The following SYT6 variants were observed in gnomAD, a reference collection of about 807,000 sequenced individuals.
SYT6 encodes the protein synaptotagmin-6.
Under a neutral mutation model 38.4 loss-of-function variants are expected in SYT6, and 24 were observed. The observed-to-expected ratio is 0.62, with a 90% CI of 0.45 to 0.88. The LOEUF is 0.88. Among genes scored for constraint, SYT6 ranks in the 40% least tolerant of loss-of-function variants. The pLI is 0.00. For synonymous variants in SYT6, 265 were observed against 241.9 expected, an observed-to-expected ratio of 1.10 and a Z score of -0.89; for missense variants, 611 against 621.0, an observed-to-expected ratio of 0.98 and a Z score of 0.17.
chr1:114,133,189 G>A (rs1450055277), intron 3 of SYT6, among the ~76,000 whole-genome samples: 1 of 151,422 alleles, frequency 6.6e-6, no homozygotes, highest in Non-Finnish European at 1.5e-5. Flanking sequence ...CAACACACAT[G>A]CACACACACA....
At chr1:114,109,748 T>C (rs1286157348) in intron 3 of SYT6, among the ~76,000 whole-genome samples, 1 of 152,086 alleles carries the variant, frequency 6.6e-6, no homozygotes, top group Non-Finnish European at 1.5e-5. Flanking sequence ...GGTGCAGTAA[T>C]AGAGGTGTGG....
At chr1:114,115,227 T>G (rs1177755730) in intron 3 of SYT6, among the ~76,000 whole-genome samples, 1 of 152,190 alleles carries the variant, frequency 6.6e-6, no homozygotes, top group Non-Finnish European at 1.5e-5. Flanking sequence ...CAGGGAAGTC[T>G]CAGGAACTGA....
intron 3 of SYT6, among the ~76,000 whole-genome samples, chr1:114,121,025 C>G (rs1208435642): frequency 6.6e-6 from 1 of 152,226 alleles, no homozygotes; most frequent in Non-Finnish European, 1.5e-5. Context: ...CACTGGGCAG[C>G]TAACTGGCCA....
intron 4 of SYT6, among the ~76,000 whole-genome samples, chr1:114,103,300 A>G (rs1271444052): frequency 5.9e-5 from 9 of 152,084 alleles, no homozygotes; most frequent in African/African-American, 1.9e-4. Flanking sequence ...TGACAGCAAC[A>G]GATGATATCT....
At chr1:114,124,547 T>A (rs534662457) in intron 3 of SYT6, among the ~76,000 whole-genome samples, 3 of 152,182 alleles carry the variant, frequency 2.0e-5, no homozygotes, top group Non-Finnish European at 4.4e-5. Flanking sequence ...AAGTGGCACT[T>A]TCCATCACAA....
intron 3 of SYT6, among the ~76,000 whole-genome samples, chr1:114,106,300 CT>C (rs1325458830): frequency 6.6e-6 from 1 of 152,110 alleles, no homozygotes; most frequent in Non-Finnish European, 1.5e-5. Flanking sequence ...CTGCTAAGTA[CT>C]TTGCTAGATT....
At chr1:114,094,220 T>A (rs988914719) in intron 6 of SYT6, among the ~76,000 whole-genome samples, 10 of 152,188 alleles carry the variant, frequency 6.6e-5, no homozygotes, top group African/African-American at 2.4e-4. Context: ...AGATGGGGTT[T>A]GTGGACAATG....
At chr1:114,140,007 G>A in intron 1 of SYT6, 44 bp from the exon 2 acceptor site, 2 of 1,251,128 alleles carry the variant, frequency 1.6e-6, no homozygotes, top group Non-Finnish European at 2.2e-6. Context: ...GACAGACAGA[G>A]GCGGGGAGAA....
intron 3 of SYT6, among the ~76,000 whole-genome samples, chr1:114,136,729 C>G (rs1438103561): frequency 6.6e-6 from 1 of 152,190 alleles, no homozygotes; most frequent in East Asian, 1.9e-4. Context: ...CTGGCCTCCC[C>G]CATCTCCCAT....
At chr1:114,126,385 C>T (rs534984748) in intron 3 of SYT6, among the ~76,000 whole-genome samples, 1 of 152,330 alleles carries the variant, frequency 6.6e-6, no homozygotes, top group South Asian at 2.1e-4. Flanking sequence ...AGTTACACCC[C>T]ATGACCCTAG....
At chr1:114,107,365 G>C (rs1676389915) in intron 3 of SYT6, among the ~76,000 whole-genome samples, 1 of 152,234 alleles carries the variant, frequency 6.6e-6, no homozygotes. Flanking sequence ...CGACATGCAG[G>C]TGCTGAGTCT....
intron 3 of SYT6, among the ~76,000 whole-genome samples, chr1:114,107,071 G>C (rs1404235320): frequency 6.6e-6 from 1 of 152,208 alleles, no homozygotes; most frequent in Non-Finnish European, 1.5e-5. Context: ...CCCTCTGAGA[G>C]GGAGCAAACA....
intron 4 of SYT6, among the ~76,000 whole-genome samples, chr1:114,101,841 T>G (rs890100410): frequency 1.3e-5 from 2 of 152,228 alleles, no homozygotes; most frequent in Non-Finnish European, 2.9e-5. Context: ...ATTGAATGCT[T>G]ACTGTGTTTT....
At chr1:114,100,801 C>A (rs1383836589) in intron 4 of SYT6, among the ~76,000 whole-genome samples, 2 of 152,204 alleles carry the variant, frequency 1.3e-5, no homozygotes, top group Non-Finnish European at 2.9e-5. Flanking sequence ...GCAGAGCTAG[C>A]CCCAATACCT....
At position 114,099,237 on chromosome 1, in the gene SYT6, A is replaced by G. The variant is rs966022120; in HGVS notation, c.1221T>C (p.Cys407=). 3 of 1,613,746 alleles carry G rather than the reference A, an allele frequency of 1.9e-6. No individual in the cohort carries two copies. Among genetic ancestry groups the G allele is most frequent in the Admixed American group, 3.3e-5 (2 of 59,996 alleles). The change falls in exon 5 of 8, where the codon TGT becomes TGC. Residue 407 remains cysteine, a synonymous_variant. Transcript: ENST00000610222. ...TCTTCTTCTTCAGCCTCCGCCCATC[A>G]CAGAGCAAGGACACTTTCACATAGG... ...SDPYVKVSLL[C]DGRRLKKKKT...
intron 3 of SYT6, among the ~76,000 whole-genome samples, chr1:114,117,086 G>A (rs560658854): frequency 2.0e-5 from 3 of 152,260 alleles, no homozygotes; most frequent in South Asian, 2.1e-4. Context: ...TCCAAGGAGC[G>A]ATGCATGGAG....
intron 5 of SYT6, 99 bp from the exon 6 acceptor site, chr1:114,097,976 A>G (rs1675742059): frequency 3.0e-6 from 4 of 1,351,844 alleles, no homozygotes; most frequent in South Asian, 1.4e-5. Context: ...GATGGGTCTA[A>G]CTCAGAACTC....
intron 1 of SYT6, among the ~76,000 whole-genome samples, chr1:114,151,006 A>G (rs1321274202): frequency 6.6e-6 from 1 of 152,144 alleles, no homozygotes; most frequent in Non-Finnish European, 1.5e-5. Context: ...AAAACATAAA[A>G]TGGTAAACAG....
At chr1:114,151,435 A>G (rs1453979212) in intron 1 of SYT6, among the ~76,000 whole-genome samples, 2 of 151,816 alleles carry the variant, frequency 1.3e-5, no homozygotes, top group Admixed American at 1.3e-4. Flanking sequence ...GGCTTTTCTC[A>G]CCCTCAACCT....
Sources: allele counts gnomAD v4.1 joint callset (sites outside exome capture counted in the v4.1 genomes callset), GRCh38; gene constraint gnomAD v4.1.1; transcripts MANE v1.5; gene names NCBI Gene and HGNC (gene_info 2026-07-23, HGNC 2026-07-21).